Variants in PXDNL observed in about 807,000 individuals in gnomAD.
The protein encoded by PXDNL is probable oxidoreductase PXDNL.
In PXDNL, 145 loss-of-function variants were observed where a neutral mutation model predicts 150.8. That is an observed-to-expected ratio of 0.96 (90% CI 0.84 to 1.10). The LOEUF (loss-of-function observed/expected upper bound fraction) is 1.10, where lower values mean the gene tolerates loss of function less well. Ranked by LOEUF, PXDNL falls within the 50% of genes least tolerant of loss-of-function variation. PXDNL has a pLI of 0.00. For missense variants in PXDNL, 2,087 were observed against 1,873.9 expected (o/e 1.11, Z -2.10); for synonymous variants, 757 against 725.7 (o/e 1.04, Z -0.69).
chr8:51,736,250 C>T (rs1356290349), intron 1 of PXDNL, among the ~76,000 whole-genome samples: 2 of 152,138 alleles, frequency 1.3e-5, no homozygotes, highest in Non-Finnish European at 2.9e-5. Flanking sequence ...TGAATGTGCA[C>T]TATGCCAGTT....
rs79053235 is a variant in PXDNL, at chr8:51,394,084, T to C, written c.3557+13983A>G. ...CCTTGGGAAAGTTAACACCAGCTCA[T>C]GAGATAACAAAAGTGTTAATGAAAA... On this transcript the variant is annotated intron_variant, in intron 17 of 22. Coordinates refer to ENST00000356297, the MANE Select transcript of PXDNL (RefSeq NM_144651.5). Among the ~76,000 whole-genome samples, 1,038 of 152,234 alleles carry C rather than the reference T, an allele frequency of 6.8e-3. 10 individuals carry two copies. The highest frequency in any genetic ancestry group is 0.024 in the African/African-American group (981 of 41,556).
At chr8:51,600,606 T>TGG (rs1813691008) in intron 2 of PXDNL, among the ~76,000 whole-genome samples, 3 of 136,982 alleles carry the variant, frequency 2.2e-5, no homozygotes, top group Non-Finnish European at 4.6e-5. Context: ...TTATATCGTT[T>TGG]AGATAATAAA....
intron 1 of PXDNL, among the ~76,000 whole-genome samples, chr8:51,671,005 A>C (rs1815489389): frequency 6.6e-6 from 1 of 152,240 alleles, no homozygotes; most frequent in Admixed American, 6.5e-5. Flanking sequence ...AAACAAGACT[A>C]AGAAAAATAA....
At chr8:51,553,771 T>TATATACAC (rs1236843720) in intron 4 of PXDNL, among the ~76,000 whole-genome samples, 10 of 63,862 alleles carry the variant, frequency 1.6e-4, no homozygotes, top group African/African-American at 8.4e-4. Flanking sequence ...TATATATATA[T>TATATACAC]ACACACACTG....
chr8:51,723,315 G>C (rs1251005636), intron 1 of PXDNL, among the ~76,000 whole-genome samples: 1 of 152,190 alleles, frequency 6.6e-6, no homozygotes, highest in Non-Finnish European at 1.5e-5. Context: ...TTCAAATCCA[G>C]ACTCGAATTT....
At chr8:51,492,417 G>A (rs1810916580) in intron 5 of PXDNL, among the ~76,000 whole-genome samples, 1 of 152,090 alleles carries the variant, frequency 6.6e-6, no homozygotes, top group Non-Finnish European at 1.5e-5. Context: ...TCTCACTGGA[G>A]AGTGTCAGAA....
At position 51,362,493 on chromosome 8, in the gene PXDNL, C is replaced by T. The variant is rs757795142; in HGVS notation, c.3901+9380G>A. ...GCCTATGTACATTAGAAACTCTTGCCATTGTTTTCAATTTACATAACAAGT... is the reference window on the plus strand; with the variant it reads ...GCCTATGTACATTAGAAACTCTTGCTATTGTTTTCAATTTACATAACAAGT... On this transcript the variant is annotated intron_variant, in intron 19 of 22. Transcript: ENST00000356297. 4.4e-4 allele frequency among the ~76,000 whole-genome samples: 67 copies of T among 152,322 alleles called. 1 individual carries two copies. Among genetic ancestry groups the T allele is most frequent in the Non-Finnish European group, 7.5e-4 (51 of 68,024 alleles).
At chr8:51,690,635 T>C (rs1585676735) in intron 1 of PXDNL, among the ~76,000 whole-genome samples, 1 of 152,218 alleles carries the variant, frequency 6.6e-6, no homozygotes, top group Non-Finnish European at 1.5e-5. Context: ...AACATATGTG[T>C]CCATGTGTCG....
chr8:51,644,679 G>C lies in PXDNL; in HGVS notation c.236+10010C>G, dbSNP rs907401760. ...TCACCGTGTTAGCCAGGATGGTCTCGATCTCCTGACCTCATGATCCACCCG... is the reference window on the plus strand; with the variant it reads ...TCACCGTGTTAGCCAGGATGGTCTCCATCTCCTGACCTCATGATCCACCCG... On this transcript the variant is annotated intron_variant, in intron 2 of 22. Transcript: ENST00000356297. Among the ~76,000 whole-genome samples the C allele has an allele frequency of 2.0e-5, 3 of 151,498 alleles. No individual in the cohort carries two copies. The East Asian group carries it at 6.0e-4, about 30-fold the overall frequency.
At chr8:51,808,439 TTCTAATTA>T (rs1338013654) in intron 1 of PXDNL, among the ~76,000 whole-genome samples, 3 of 152,228 alleles carry the variant, frequency 2.0e-5, no homozygotes, top group African/African-American at 7.2e-5. Flanking sequence ...TGATTTGCCC[TTCTAATTA>T]TCTAATTATG....
intron 5 of PXDNL, among the ~76,000 whole-genome samples, chr8:51,486,784 ATATATATATATTTTTTTTTT>A (rs1422472139): frequency 1.2e-3 from 27 of 22,826 alleles, no homozygotes; most frequent in Admixed American, 3.7e-3. Context: ...ATATATATAT[ATATATATATATTTTTTTTTT>A]TTTTTTTTTT....
chr8:51,377,061 C>T (rs1807341538), intron 17 of PXDNL, among the ~76,000 whole-genome samples: 1 of 150,426 alleles, frequency 6.6e-6, no homozygotes, highest in East Asian at 2.0e-4. Flanking sequence ...TCATTTCATT[C>T]TGCTTTAATG....
At position 51,408,753 on chromosome 8, in the gene PXDNL, C is replaced by T; in HGVS notation, c.2871G>A (p.Gly957=). 1 of 1,584,506 alleles carries T rather than the reference C, an allele frequency of 6.3e-7. No individual in the cohort carries two copies. Residue 957 remains glycine, a synonymous_variant, in exon 17 of 23, where the codon GGG becomes GGA. Coordinates refer to ENST00000356297, the MANE Select transcript of PXDNL (RefSeq NM_144651.5). ...QEQESPCFLA[G]DHRANEHLAL... is the part of the protein sequence containing the mutation. ...CCAGATGCTCGTTGGCCCGGTGGTC[C>T]CCGGCCAGGAAACAGGGGCTCTCCT...
chr8:51,778,307 A>G (rs1000284043), intron 1 of PXDNL, among the ~76,000 whole-genome samples: 1 of 152,138 alleles, frequency 6.6e-6, no homozygotes, highest in African/African-American at 2.4e-5. Context: ...ATTAATAAAT[A>G]AACAAAACCA....
At chr8:51,361,333 A>C in intron 19 of PXDNL, among the ~76,000 whole-genome samples, 1 of 152,150 alleles carries the variant, frequency 6.6e-6, no homozygotes, top group East Asian at 1.9e-4. Flanking sequence ...AGAAGGTATA[A>C]ATTTCAGCTT....
At chr8:51,762,259 A>C (rs2037173524) in intron 1 of PXDNL, among the ~76,000 whole-genome samples, 1 of 152,312 alleles carries the variant, frequency 6.6e-6, no homozygotes, top group East Asian at 1.9e-4. Context: ...ACAAGGAAAA[A>C]ATATTTAACC....
intron 2 of PXDNL, among the ~76,000 whole-genome samples, chr8:51,632,809 A>G (rs995992639): frequency 7.9e-5 from 12 of 152,206 alleles, no homozygotes; most frequent in Admixed American, 4.6e-4. Flanking sequence ...AATCAGTAAC[A>G]GAAGTAAAAC....
rs1471749784 is a variant in PXDNL at position 51,446,965 on chromosome 8, A to G, written c.1525+39T>C. 6.9e-6 allele frequency: 11 copies of G among 1,601,768 alleles called. No homozygotes were observed. The Admixed American group carries it at 1.8e-4, about 27-fold the overall frequency. On this transcript the variant is annotated intron_variant, in intron 12 of 22. Coordinates refer to ENST00000356297, the MANE Select transcript of PXDNL (RefSeq NM_144651.5). ...TGTGTTAAAGACACAGGCAGAAGGC[A>G]CACTTCAGAATGTGAATATGAATCA... is the stretch of plus-strand genomic sequence containing the variant.
At chr8:51,601,010 G>C (rs930611679) in intron 2 of PXDNL, among the ~76,000 whole-genome samples, 1 of 142,112 alleles carries the variant, frequency 7.0e-6, no homozygotes, top group Admixed American at 7.1e-5. Context: ...ATATAGTTTA[G>C]ATAATAAATT....
Sources: allele counts gnomAD v4.1 joint callset (sites outside exome capture counted in the v4.1 genomes callset), GRCh38; gene constraint gnomAD v4.1.1; transcripts MANE v1.5; gene names NCBI Gene and HGNC (gene_info 2026-07-23, HGNC 2026-07-21).